The following AVEN variants were observed in gnomAD, a reference collection of about 807,000 sequenced individuals.
The protein encoded by AVEN is cell death regulator Aven.
In AVEN, 41 loss-of-function variants were observed where a neutral mutation model predicts 38.1. The ratio of observed to expected loss-of-function variants is 1.08; its 90% CI spans 0.84 to 1.40. The LOEUF (loss-of-function observed/expected upper bound fraction) is 1.40, where lower values mean the gene tolerates loss of function less well. Among genes scored for constraint, AVEN ranks in the 40% most tolerant of loss-of-function variants. The pLI is 0.00. For missense variants in AVEN, 605 were observed against 438.8 expected, an observed-to-expected ratio of 1.38 and a Z score of -3.38; for synonymous variants, 206 against 171.8, an observed-to-expected ratio of 1.20 and a Z score of -1.56.
chr15:33,983,199 T>C (rs1244748825), intron 2 of AVEN, among the ~76,000 whole-genome samples: 447 of 35,726 alleles, frequency 0.013, 5 homozygotes, highest in African/African-American at 0.065. Flanking sequence ...TGTATGTGTG[T>C]GTATATATAT....
chr15:34,023,820 C>T (rs1370997259), intron 1 of AVEN, among the ~76,000 whole-genome samples: 1 of 152,134 alleles, frequency 6.6e-6, no homozygotes, highest in Non-Finnish European at 1.5e-5. Context: ...TGAAGGGCAT[C>T]AAAGAAAGAA....
chr15:34,049,868 G>A (rs534155), intron 5 of AVEN, among the ~76,000 whole-genome samples: 98,278 of 150,758 alleles, frequency 0.65, 33,251 homozygotes, highest in South Asian at 0.78. Context: ...GAAGAGACTG[G>A]GGCCAATAAT....
chr15:33,930,949 T>C (rs1567419081), intron 2 of AVEN, among the ~76,000 whole-genome samples: 1 of 84,620 alleles, frequency 1.2e-5, no homozygotes, highest in African/African-American at 4.3e-5. Flanking sequence ...AGTGAGACTC[T>C]GTCTCAAAAA....
chr15:34,063,538 C>T lies in AVEN; in HGVS notation n.1127-106G>A. Reference sequence around the variant, plus strand: ...AGGAACCAGGCCTCCTGGTCATCCTCCCGCAGGAGCACCTCCACCACTGGG... The same window carrying T: ...AGGAACCAGGCCTCCTGGTCATCCTTCCGCAGGAGCACCTCCACCACTGGG... On this transcript the variant is annotated intron_variant and non_coding_transcript_variant, in intron 4 of 11. Transcript: ENST00000675287. This position sits in a 1 kb window ranked among gnomAD's most constrained non-coding sequence, Gnocchi z 4.1. 3.7e-6 allele frequency: 6 copies of T among 1,613,628 alleles called. No individual in the cohort carries two copies. Among genetic ancestry groups the T allele is most frequent in the South Asian group, 1.1e-5 (1 of 91,076 alleles).
chr15:33,961,087 A>G (rs895887379), intron 2 of AVEN, among the ~76,000 whole-genome samples: 5 of 152,024 alleles, frequency 3.3e-5, no homozygotes, highest in African/African-American at 1.2e-4. Context: ...TGAAGCCTCG[A>G]CCTCCTGGGT....
chr15:33,976,566 C>G (rs763938721), intron 2 of AVEN, among the ~76,000 whole-genome samples: 31 of 152,112 alleles, frequency 2.0e-4, no homozygotes, highest in Non-Finnish European at 4.3e-4. Context: ...CACTTTTATT[C>G]TGTAAGTGTA....
At chr15:33,896,336 A>G (rs1248447932) in intron 2 of AVEN, among the ~76,000 whole-genome samples, 2 of 152,206 alleles carry the variant, frequency 1.3e-5, no homozygotes, top group African/African-American at 4.8e-5. Context: ...GCTTGTTAGC[A>G]TAGCTTACAT....
intron 2 of AVEN, among the ~76,000 whole-genome samples, chr15:33,905,527 AAAGG>A (rs1025413442): frequency 2.6e-5 from 4 of 152,216 alleles, no homozygotes; most frequent in Non-Finnish European, 5.9e-5. Flanking sequence ...ATTTTCTTCC[AAAGG>A]AAGATAAAAT....
chr15:34,060,301 T>C (rs375375756), intron 5 of AVEN, among the ~76,000 whole-genome samples: 5 of 152,240 alleles, frequency 3.3e-5, no homozygotes, highest in African/African-American at 1.2e-4. Flanking sequence ...CTGCATGTGT[T>C]TGGGAGGTGA....
intron 2 of AVEN, among the ~76,000 whole-genome samples, chr15:33,908,949 C>T (rs1215804258): frequency 6.6e-6 from 1 of 152,280 alleles, no homozygotes; most frequent in African/African-American, 2.4e-5. Context: ...CAGTTTCCTT[C>T]ACATGATTTT....
chr15:34,047,101 G>A (rs1899726947), intron 5 of AVEN, among the ~76,000 whole-genome samples: 3 of 150,018 alleles, frequency 2.0e-5, no homozygotes, highest in African/African-American at 7.4e-5. Context: ...TTTTGGAGAC[G>A]GAGTCTCGTT....
intron 2 of AVEN, among the ~76,000 whole-genome samples, chr15:33,901,094 G>A (rs944775774): frequency 2.0e-5 from 3 of 152,094 alleles, no homozygotes; most frequent in Admixed American, 6.5e-5. Context: ...GTGAAACCCC[G>A]TCTCTACTAA....
intron 1 of AVEN, among the ~76,000 whole-genome samples, chr15:34,016,210 G>T (rs543914754): frequency 6.6e-6 from 1 of 152,126 alleles, no homozygotes; most frequent in East Asian, 1.9e-4. Flanking sequence ...CTCCAGCCTG[G>T]GCAACAAGAG....
Position 34,039,171 on chromosome 15 carries a change from G to C in AVEN, c.-125C>G, listed in dbSNP as rs1417573571. ...AGGCGCCCGGTAGCAGCGAGGCGCG[G>C]GGTGCGGGGCTAGGGATCGAGGCCG... On this transcript the variant is annotated 5_prime_UTR_variant, in exon 1 of 6. Coordinates refer to ENST00000306730, the MANE Select transcript of AVEN (RefSeq NM_020371.3). 1.2e-6 allele frequency: 1 copy of C among 842,720 alleles called. No homozygotes were observed. The highest frequency in any genetic ancestry group is 1.8e-5 in the African/African-American group (1 of 54,426). The allele number at this position is 842,720 out of a possible 1,614,324, so 52.2% of individuals were successfully genotyped here.
chr15:33,887,464 T>C (rs1156281088), intron 2 of AVEN, among the ~76,000 whole-genome samples: 1 of 152,184 alleles, frequency 6.6e-6, no homozygotes, highest in Admixed American at 6.5e-5. Context: ...TTTACCAAAA[T>C]AAATATTGTT....
At chr15:33,935,525 T>G (rs576868245) in intron 2 of AVEN, among the ~76,000 whole-genome samples, 3 of 152,168 alleles carry the variant, frequency 2.0e-5, no homozygotes, top group African/African-American at 7.2e-5. Flanking sequence ...TATATATATG[T>G]GTATATATAT....
intron 2 of AVEN, among the ~76,000 whole-genome samples, chr15:33,904,694 A>ATATATAT (rs1555505832): frequency 3.5e-5 from 4 of 112,746 alleles, no homozygotes; most frequent in African/African-American, 1.2e-4. Context: ...AAAAAAAAAA[A>ATATATAT]ATATATATAT....
At chr15:33,885,451 C>A (rs1264967336) in intron 2 of AVEN, among the ~76,000 whole-genome samples, 2 of 152,134 alleles carry the variant, frequency 1.3e-5, no homozygotes, top group Non-Finnish European at 2.9e-5. Context: ...TGTCCTTCAC[C>A]TCAATATTTA....
Position 34,038,988 on chromosome 15 carries a change from G to GGCCGGCCGCGGCCTGGCC in AVEN, c.41_58dup (p.Arg14_Arg19dup). 7 of 1,115,508 alleles carry GGCCGGCCGCGGCCTGGCC rather than the reference G, an allele frequency of 6.3e-6. No homozygotes were observed. The highest frequency in any genetic ancestry group is 7.6e-6 in the Non-Finnish European group (7 of 915,958). 69.1% of individuals were successfully genotyped at this position (1,115,508 alleles called of 1,614,324 possible). On this transcript the variant is annotated inframe_insertion, in exon 1 of 6. Transcript: ENST00000306730. Reference sequence around the variant, plus strand: ...CCGCTCGCTGTGGCGATCTCCGCCAGGCCGGCCGCGGCCTGGCCGCCGCCC... The same window carrying GGCCGGCCGCGGCCTGGCC: ...CCGCTCGCTGTGGCGATCTCCGCCAGGCCGGCCGCGGCCTGGCCGCCGGCCGCGGCCTGGCCGCCGCCC...
Sources: allele counts gnomAD v4.1 joint callset (sites outside exome capture counted in the v4.1 genomes callset), GRCh38; gene constraint gnomAD v4.1.1; non-coding constraint Gnocchi (gnomAD v3.1); transcripts MANE v1.5; gene names NCBI Gene and HGNC (gene_info 2026-07-23, HGNC 2026-07-21).